MOB3B: variants seen among roughly 807,000 people sequenced by gnomAD.
MOB3B encodes the protein MOB kinase activator 3B, also known as MOB kinase activator-like 2B.
A neutral mutation model predicts 18.7 loss-of-function variants in MOB3B; 7 were observed. That is an observed-to-expected ratio of 0.37 (90% CI 0.21 to 0.70). The LOEUF (loss-of-function observed/expected upper bound fraction) is 0.70, where lower values mean the gene tolerates loss of function less well. MOB3B is among the 30% of genes least tolerant of loss of function. The pLI, the probability that MOB3B is intolerant of heterozygous loss-of-function variation, is 0.52. For missense variants in MOB3B, 253 were observed against 281.3 expected, an observed-to-expected ratio of 0.90 and a Z score of 0.72; for synonymous variants, 111 against 99.9, an observed-to-expected ratio of 1.11 and a Z score of -0.66.
rs146718945 is a variant in MOB3B, at chr9:27,361,663, C to A, written c.419-2427G>T. ...TAGCTAACTGAGCCCTCAGAACAGG[C>A]CTTAAATTACTTCCATCTCACAGAT... On this transcript the variant is annotated intron_variant, in intron 2 of 3. Transcript: ENST00000262244. 2.5e-3 allele frequency among the ~76,000 whole-genome samples: 382 copies of A among 152,306 alleles called. 2 individuals carry two copies. Among genetic ancestry groups the A allele is most frequent in the African/African-American group, 8.7e-3 (360 of 41,550 alleles).
chr9:27,418,513 G>A (rs1822190904), intron 2 of MOB3B, among the ~76,000 whole-genome samples: 1 of 152,052 alleles, frequency 6.6e-6, no homozygotes, highest in South Asian at 2.1e-4. Flanking sequence ...TCATACCAGA[G>A]ATACAGGGAT....
At chr9:27,465,657 T>C (rs964237431) in intron 1 of MOB3B, among the ~76,000 whole-genome samples, 1 of 152,312 alleles carries the variant, frequency 6.6e-6, no homozygotes, top group Non-Finnish European at 1.5e-5. Context: ...CAGCAAACTT[T>C]TGCCTGGGTA....
intron 2 of MOB3B, among the ~76,000 whole-genome samples, chr9:27,449,341 T>C (rs1015589637): frequency 6.6e-6 from 1 of 152,188 alleles, no homozygotes; most frequent in African/African-American, 2.4e-5. Flanking sequence ...TAAAAAGAAA[T>C]GTATACTGAG....
At chr9:27,498,073 C>T (rs951310776) in intron 1 of MOB3B, among the ~76,000 whole-genome samples, 3 of 152,148 alleles carry the variant, frequency 2.0e-5, no homozygotes, top group African/African-American at 7.2e-5. Flanking sequence ...GCCAACTCCC[C>T]CTCCCTGCAC....
chr9:27,495,920 A>G (rs1271001867), intron 1 of MOB3B, among the ~76,000 whole-genome samples: 2 of 152,210 alleles, frequency 1.3e-5, no homozygotes, highest in South Asian at 2.1e-4. Flanking sequence ...GACATCTCCT[A>G]TCCTGGAGGA....
chr9:27,441,037 G>A (rs532039208), intron 2 of MOB3B, among the ~76,000 whole-genome samples: 9 of 152,180 alleles, frequency 5.9e-5, no homozygotes, highest in South Asian at 4.2e-4. Flanking sequence ...AATAGGGTCC[G>A]TGCTCCCATG....
intron 1 of MOB3B, among the ~76,000 whole-genome samples, chr9:27,465,297 A>T (rs923892792): frequency 2.0e-5 from 3 of 152,210 alleles, no homozygotes; most frequent in African/African-American, 7.2e-5. Context: ...CAGGGCAGTC[A>T]AATTTTAAAG....
chr9:27,459,163 A>G (rs569065093), intron 1 of MOB3B, among the ~76,000 whole-genome samples: 8 of 152,326 alleles, frequency 5.3e-5, no homozygotes, highest in South Asian at 4.1e-4. Context: ...TTTTGAAATT[A>G]AAAAGGGAAC....
intron 1 of MOB3B, among the ~76,000 whole-genome samples, chr9:27,469,756 C>T (rs532540082): frequency 1.2e-4 from 18 of 152,296 alleles, no homozygotes; most frequent in African/African-American, 3.1e-4. Context: ...AATACTTCAG[C>T]AAGTCTGACA....
chr9:27,521,906 T>C (rs551416409), intron 1 of MOB3B, among the ~76,000 whole-genome samples: 1 of 152,258 alleles, frequency 6.6e-6, no homozygotes, highest in South Asian at 2.1e-4. Flanking sequence ...AATTTTTCCT[T>C]TTTTAATGTA....
intron 1 of MOB3B, among the ~76,000 whole-genome samples, chr9:27,481,719 G>T (rs536612734): frequency 2.6e-4 from 40 of 151,998 alleles, no homozygotes; most frequent in Admixed American, 9.8e-4. Context: ...TAGAGATGGG[G>T]TTTCACTGTG....
chr9:27,432,557 C>T (rs1015355282), intron 2 of MOB3B, among the ~76,000 whole-genome samples: 27 of 152,184 alleles, frequency 1.8e-4, no homozygotes, highest in Non-Finnish European at 5.9e-5. Flanking sequence ...TGCATCTCTG[C>T]CAGGTTTGCA....
intron 2 of MOB3B, among the ~76,000 whole-genome samples, chr9:27,424,274 A>C (rs900344020): frequency 1.3e-5 from 2 of 152,208 alleles, no homozygotes; most frequent in African/African-American, 2.4e-5. Flanking sequence ...TAGAAGAAAA[A>C]TGATTAGGCT....
At chr9:27,494,356 C>G (rs1020559491) in intron 1 of MOB3B, among the ~76,000 whole-genome samples, 23 of 152,292 alleles carry the variant, frequency 1.5e-4, no homozygotes, top group Non-Finnish European at 1.2e-4. Context: ...CACACTCCCT[C>G]CCCTTTTGAA....
At chr9:27,523,464 C>CAAAAAAAAAAA (rs55637136) in intron 1 of MOB3B, among the ~76,000 whole-genome samples, 4 of 141,672 alleles carry the variant, frequency 2.8e-5, no homozygotes, top group African/African-American at 5.3e-5. Context: ...TAAACTGCAC[C>CAAAAAAAAAAA]AAAAAAAAAA....
chr9:27,435,385 G>A (rs1419590209), intron 2 of MOB3B, among the ~76,000 whole-genome samples: 1 of 152,072 alleles, frequency 6.6e-6, no homozygotes, highest in Non-Finnish European at 1.5e-5. Flanking sequence ...GTATGTGTGT[G>A]TTTTCTCAGG....
intron 2 of MOB3B, among the ~76,000 whole-genome samples, chr9:27,370,107 C>T (rs919700675): frequency 1.5e-4 from 23 of 152,090 alleles, no homozygotes; most frequent in African/African-American, 2.4e-4. Context: ...CTCAAATGCA[C>T]GTGTTGAAAT....
intron 1 of MOB3B, among the ~76,000 whole-genome samples, chr9:27,515,701 A>G (rs962128911): frequency 1.3e-5 from 2 of 152,170 alleles, no homozygotes; most frequent in Non-Finnish European, 2.9e-5. Flanking sequence ...CTCTCTAACA[A>G]AGACCTACAG....
chr9:27,398,439 T>C (rs1821831859), intron 2 of MOB3B, among the ~76,000 whole-genome samples: 1 of 152,260 alleles, frequency 6.6e-6, no homozygotes, highest in South Asian at 2.1e-4. Context: ...TAATAATTCC[T>C]ACCTGTAAGG....
Sources: gnomAD v4.1 joint callset for allele counts (sites outside exome capture counted in the v4.1 genomes callset) on GRCh38, gnomAD v4.1.1 for gene constraint, MANE v1.5 for transcripts, NCBI Gene and HGNC (gene_info 2026-07-23, HGNC 2026-07-21) for gene names.